The following LRBA variants were observed in gnomAD, a reference collection of about 807,000 sequenced individuals.
LRBA encodes the protein LPS responsive beige-like anchor protein, also known as lipopolysaccharide-responsive and beige-like anchor protein.
Under a neutral mutation model 330.0 loss-of-function variants are expected in LRBA, and 176 were observed. That is an observed-to-expected ratio of 0.53 (90% CI 0.47 to 0.60). The LOEUF (loss-of-function observed/expected upper bound fraction) is 0.60, where lower values mean the gene tolerates loss of function less well. Among genes scored for constraint, LRBA ranks in the 20% least tolerant of loss-of-function variants. The pLI is 0.00. For synonymous variants in LRBA, 1,230 were observed against 1,193.0 expected (o/e 1.03, Z -0.64); for missense variants, 3,259 against 3,444.8 (o/e 0.95, Z 1.35).
At chr4:150,353,070 T>G (rs1737383123) in intron 47 of LRBA, among the ~76,000 whole-genome samples, 1 of 152,188 alleles carries the variant, frequency 6.6e-6, no homozygotes, top group Non-Finnish European at 1.5e-5. Context: ...TATGCATATC[T>G]TCAGGCTTAC....
intron 2 of LRBA, among the ~76,000 whole-genome samples, chr4:150,971,115 C>T (rs1225215029): frequency 6.6e-6 from 1 of 152,168 alleles, no homozygotes; most frequent in Non-Finnish European, 1.5e-5. Flanking sequence ...TAGAATATGT[C>T]GAAGTGTGCT....
chr4:150,797,932 C>T (rs1390870757), intron 34 of LRBA, 149 bp downstream of exon 34: 3 of 572,450 alleles, frequency 5.2e-6, no homozygotes, highest in African/African-American at 3.8e-5. Context: ...AGAAGTAATC[C>T]TTTTGCAATA....
At chr4:150,501,479 G>T (rs1760252176) in intron 40 of LRBA, among the ~76,000 whole-genome samples, 1 of 152,124 alleles carries the variant, frequency 6.6e-6, no homozygotes, top group Admixed American at 6.5e-5. Context: ...GGAGGTGGTG[G>T]TGTGTGCCTG....
intron 40 of LRBA, among the ~76,000 whole-genome samples, chr4:150,522,930 C>T (rs186992548): frequency 1.3e-5 from 2 of 152,278 alleles, no homozygotes; most frequent in African/African-American, 2.4e-5. Flanking sequence ...GTTGGGACCA[C>T]CAAAGACAGC....
intron 28 of LRBA, among the ~76,000 whole-genome samples, chr4:150,836,755 T>A (rs1435835862): frequency 6.6e-6 from 1 of 152,194 alleles, no homozygotes; most frequent in Non-Finnish European, 1.5e-5. Context: ...GCTCCTGGAT[T>A]CATTGATTTT....
At chr4:150,918,496 C>T (rs1249792977) in intron 5 of LRBA, among the ~76,000 whole-genome samples, 1 of 152,174 alleles carries the variant, frequency 6.6e-6, no homozygotes, top group Non-Finnish European at 1.5e-5. Flanking sequence ...CGCCTATAAT[C>T]CCAGCACTTT....
At chr4:150,900,350 T>C (rs1730587450) in intron 13 of LRBA, 133 bp from the exon 14 acceptor site, 1 of 585,204 alleles carries the variant, frequency 1.7e-6, no homozygotes. Flanking sequence ...ATAATATCCA[T>C]ATTAGACAAC....
intron 2 of LRBA, among the ~76,000 whole-genome samples, chr4:150,977,387 A>G (rs1740307363): frequency 6.6e-6 from 1 of 152,076 alleles, no homozygotes; most frequent in Admixed American, 6.6e-5. Flanking sequence ...ATATATACAC[A>G]CACGCTGGGC....
intron 40 of LRBA, among the ~76,000 whole-genome samples, chr4:150,528,417 C>T (rs1210129552): frequency 2.0e-5 from 3 of 151,260 alleles, no homozygotes; most frequent in Non-Finnish European, 2.9e-5. Flanking sequence ...AGGAGAATGG[C>T]GTGAACCCGG....
chr4:150,414,698 G>A (rs552240170), intron 47 of LRBA, among the ~76,000 whole-genome samples: 212 of 152,036 alleles, frequency 1.4e-3, no homozygotes, highest in African/African-American at 4.8e-3. Flanking sequence ...ACCATGTTGG[G>A]CAGGCTGGTC....
chr4:150,422,243 A>G (rs999881048), intron 46 of LRBA, among the ~76,000 whole-genome samples: 3 of 152,168 alleles, frequency 2.0e-5, no homozygotes, highest in African/African-American at 7.2e-5. Context: ...CCTAGGAAAC[A>G]GAGTTAGACC....
intron 40 of LRBA, among the ~76,000 whole-genome samples, chr4:150,493,792 T>C (rs536658227): frequency 2.0e-5 from 3 of 152,342 alleles, no homozygotes; most frequent in East Asian, 1.9e-4. Flanking sequence ...GCAACATTTA[T>C]AGTCCAATGT....
At chr4:150,854,916 G>A (rs953491649) in intron 22 of LRBA, among the ~76,000 whole-genome samples, 2 of 152,172 alleles carry the variant, frequency 1.3e-5, no homozygotes, top group Non-Finnish European at 2.9e-5. Context: ...TTCTGAGAGA[G>A]CCATTTGAGA....
chr4:150,571,649 G>GTTT (rs58652637), intron 40 of LRBA, among the ~76,000 whole-genome samples: 4,556 of 73,788 alleles, frequency 0.062, 293 homozygotes, highest in Non-Finnish European at 0.081. Context: ...CTGGTTAGTT[G>GTTT]TTTTTTTTTT....
At chr4:150,724,894 G>GTA (rs1019345049) in intron 36 of LRBA, among the ~76,000 whole-genome samples, 12 of 145,276 alleles carry the variant, frequency 8.3e-5, no homozygotes, top group South Asian at 4.3e-4. Flanking sequence ...ATATATATAT[G>GTA]TATATATATA....
chr4:150,798,419 A>C (rs1314180875), intron 33 of LRBA, among the ~76,000 whole-genome samples: 1 of 152,206 alleles, frequency 6.6e-6, no homozygotes, highest in Admixed American at 6.5e-5. Flanking sequence ...AAATGTGCAC[A>C]ACATATGCCA....
At chr4:150,844,580 T>A in intron 27 of LRBA, 78 bp downstream of exon 27, 2 of 1,301,812 alleles carry the variant, frequency 1.5e-6, no homozygotes, top group Non-Finnish European at 2.1e-6. Flanking sequence ...TTTAACTTTA[T>A]GTTGAAATGA....
intron 2 of LRBA, among the ~76,000 whole-genome samples, chr4:150,977,728 T>C (rs997338176): frequency 2.6e-5 from 4 of 152,170 alleles, no homozygotes; most frequent in Admixed American, 6.5e-5. Context: ...TGAAGAGTCC[T>C]TGGGCCTTAA....
At chr4:151,010,189 A>T (rs555969988) in intron 2 of LRBA, among the ~76,000 whole-genome samples, 43 of 152,212 alleles carry the variant, frequency 2.8e-4, no homozygotes, top group Non-Finnish European at 4.3e-4. Flanking sequence ...AAAATTTTTT[A>T]AAAAATCATG....
Sources: gnomAD v4.1 joint callset for allele counts (sites outside exome capture counted in the v4.1 genomes callset) on GRCh38, gnomAD v4.1.1 for gene constraint, MANE v1.5 for transcripts, NCBI Gene and HGNC (gene_info 2026-07-23, HGNC 2026-07-21) for gene names.